The following TMEM131L variants were observed in gnomAD, a reference collection of about 807,000 sequenced individuals.
TMEM131L encodes transmembrane 131 like, also known as transmembrane protein 131-like.
A neutral mutation model predicts 192.2 loss-of-function variants in TMEM131L; 54 were observed. That is an observed-to-expected ratio of 0.28 (90% CI 0.23 to 0.35). The LOEUF is 0.35. TMEM131L is among the 10% of genes least tolerant of loss of function. The probability of loss-of-function intolerance (pLI) is 1.00; values close to 1 mark genes in which losing one functional copy is unlikely to be tolerated. For synonymous variants in TMEM131L, 701 were observed against 704.9 expected (o/e 0.99, Z 0.09); for missense variants, 1,888 against 1,972.9 (o/e 0.96, Z 0.82).
intron 3 of TMEM131L, among the ~76,000 whole-genome samples, chr4:153,517,901 AGAC>A (rs1734846180): frequency 6.6e-6 from 1 of 152,188 alleles, no homozygotes; most frequent in Non-Finnish European, 1.5e-5. Context: ...TAAAGCCTTT[AGAC>A]TGAGTAAGAA....
chr4:153,602,214 C>G lies in TMEM131L; in HGVS notation c.2329C>G (p.Pro777Ala). Residue 777 changes from proline to alanine, a missense_variant, in exon 22 of 35, where the codon CCT becomes GCT. Transcript: ENST00000409959. The stretch of plus-strand genomic sequence containing the variant: ...GAACTTTAAAGTTGAGAATATTGGA[C>G]CTCTTCCTATAACTGTTTCGTCTCT... ...TKNFKVENIG[P>A]LPITVSSLKI... is the part of the protein sequence containing the mutation. The G allele has an allele frequency of 6.2e-7, 1 of 1,612,238 alleles. No homozygotes were observed. Among genetic ancestry groups the G allele is most frequent in the Non-Finnish European group, 8.5e-7 (1 of 1,178,974 alleles).
chr4:153,598,782 G>A, intron 21 of TMEM131L, 50 bp downstream of exon 21: 2 of 1,396,374 alleles, frequency 1.4e-6, no homozygotes, highest in Middle Eastern at 2.2e-4. Context: ...CATTAAAGCT[G>A]AGAGTGAAAG....
intron 2 of TMEM131L, among the ~76,000 whole-genome samples, chr4:153,470,141 C>T (rs1731053237): frequency 6.6e-6 from 1 of 152,032 alleles, no homozygotes; most frequent in Non-Finnish European, 1.5e-5. Flanking sequence ...GGCCAGGTCT[C>T]CTGGGTTTGA....
At chr4:153,608,039 T>C (rs1170446619) in intron 25 of TMEM131L, among the ~76,000 whole-genome samples, 1 of 152,082 alleles carries the variant, frequency 6.6e-6, no homozygotes, top group Non-Finnish European at 1.5e-5. Flanking sequence ...GAGAATCACT[T>C]GAACCCAGGA....
intron 20 of TMEM131L, among the ~76,000 whole-genome samples, chr4:153,596,604 T>TGC (rs1008443230): frequency 6.6e-6 from 1 of 152,218 alleles, no homozygotes; most frequent in Non-Finnish European, 1.5e-5. Flanking sequence ...GGAGTGTGCG[T>TGC]GCATGTCTCC....
At chr4:153,546,157 C>T (rs920096693) in intron 3 of TMEM131L, among the ~76,000 whole-genome samples, 3 of 151,350 alleles carry the variant, frequency 2.0e-5, no homozygotes, top group Non-Finnish European at 2.9e-5. Context: ...TCTTAAAGTG[C>T]GGGGATTACA....
chr4:153,598,515 A>C, intron 20 of TMEM131L, 75 bp from the exon 21 acceptor site: 1 of 1,213,298 alleles, frequency 8.2e-7, no homozygotes, highest in Non-Finnish European at 1.2e-6. Context: ...GATAACTGGG[A>C]ATATTTAAAT....
At chr4:153,591,342 AACAG>A in intron 17 of TMEM131L, 148 bp downstream of exon 17, 1 of 620,536 alleles carries the variant, frequency 1.6e-6, no homozygotes, top group Non-Finnish European at 2.6e-6. Context: ...TAAAACTCTA[AACAG>A]ACTGAAAATG....
intron 3 of TMEM131L, among the ~76,000 whole-genome samples, chr4:153,498,577 T>C (rs1007346648): frequency 6.6e-6 from 1 of 151,526 alleles, no homozygotes; most frequent in Non-Finnish European, 1.5e-5. Flanking sequence ...AAGTGGGGGG[T>C]GAGCAGAGTT....
chr4:153,548,367 C>T (rs1047963850), intron 3 of TMEM131L, among the ~76,000 whole-genome samples: 3 of 152,170 alleles, frequency 2.0e-5, no homozygotes, highest in African/African-American at 4.8e-5. Flanking sequence ...TGCAGTGGCA[C>T]GATCTTGGCT....
chr4:153,537,350 G>T (rs547312784), intron 3 of TMEM131L, among the ~76,000 whole-genome samples: 1 of 152,242 alleles, frequency 6.6e-6, no homozygotes, highest in South Asian at 2.1e-4. Flanking sequence ...ACACAAGAAA[G>T]AATTCAAGGC....
intron 3 of TMEM131L, among the ~76,000 whole-genome samples, chr4:153,481,908 G>A (rs1408939860): frequency 1.3e-5 from 2 of 151,814 alleles, no homozygotes; most frequent in African/African-American, 2.4e-5. Flanking sequence ...GTGCAGTGAC[G>A]CGATCTCGGC....
intron 3 of TMEM131L, among the ~76,000 whole-genome samples, chr4:153,538,133 G>A (rs1170324288): frequency 2.0e-5 from 3 of 152,190 alleles, no homozygotes; most frequent in Non-Finnish European, 4.4e-5. Context: ...CTTACCCCTT[G>A]CCTTCCCTGA....
At chr4:153,478,445 T>G (rs1400468591) in intron 3 of TMEM131L, among the ~76,000 whole-genome samples, 1 of 152,248 alleles carries the variant, frequency 6.6e-6, no homozygotes, top group Non-Finnish European at 1.5e-5. Context: ...ATTACAAAGA[T>G]AGTACAGAGA....
At chr4:153,603,651 A>C in intron 24 of TMEM131L, 151 bp from the exon 25 acceptor site, 3 of 1,019,772 alleles carry the variant, frequency 2.9e-6, no homozygotes, top group Non-Finnish European at 4.2e-6. Context: ...GGGTATTCTC[A>C]TTGGCAGAAA....
At chr4:153,602,750 G>C (rs751765521) in intron 23 of TMEM131L, 23 bp downstream of exon 23, 1 of 1,609,716 alleles carries the variant, frequency 6.2e-7, no homozygotes, top group South Asian at 1.1e-5. Context: ...TGTCTCCCTT[G>C]TTCTCTCACT....
intron 2 of TMEM131L, among the ~76,000 whole-genome samples, chr4:153,468,272 G>T (rs1351250310): frequency 2.0e-5 from 3 of 152,142 alleles, no homozygotes; most frequent in Non-Finnish European, 4.4e-5. Context: ...TTTGATCAGG[G>T]CTAATGAATA....
chr4:153,518,269 C>T (rs932742542), intron 3 of TMEM131L, among the ~76,000 whole-genome samples: 3 of 152,206 alleles, frequency 2.0e-5, no homozygotes, highest in African/African-American at 7.2e-5. Context: ...AAAACTCCTC[C>T]TCATTTCCCG....
intron 19 of TMEM131L, among the ~76,000 whole-genome samples, chr4:153,595,481 C>T (rs1405213550): frequency 1.3e-5 from 2 of 152,084 alleles, no homozygotes; most frequent in Non-Finnish European, 2.9e-5. Flanking sequence ...TTACTATTCT[C>T]TTTTTCAGAT....
Sources: allele counts gnomAD v4.1 joint callset (sites outside exome capture counted in the v4.1 genomes callset), GRCh38; gene constraint gnomAD v4.1.1; transcripts MANE v1.5; gene names NCBI Gene and HGNC (gene_info 2026-07-23, HGNC 2026-07-21).